The following FBXO17 variants were observed in gnomAD, a reference collection of about 807,000 sequenced individuals.
FBXO17 encodes the protein F-box only protein 17.
A neutral mutation model predicts 34.1 loss-of-function variants in FBXO17; 43 were observed. The observed-to-expected ratio is 1.26, with a 90% CI of 0.99 to 1.62. The LOEUF (loss-of-function observed/expected upper bound fraction) is 1.62. Ranked by LOEUF, FBXO17 falls within the 40% of genes most tolerant of loss-of-function variation. The pLI is 0.00. For missense variants in FBXO17, 424 were observed against 386.7 expected (o/e 1.10, Z -0.81); for synonymous variants, 169 against 166.0 (o/e 1.02, Z -0.14).
At chr19:38,962,171 G>C (rs7254599) in intron 1 of FBXO17, among the ~76,000 whole-genome samples, 106,708 of 141,440 alleles carry the variant, frequency 0.75, 40,858 homozygotes, top group East Asian at 0.96. Context: ...GCCTGGACAA[G>C]AAGAGCGAAA....
intron 1 of FBXO17, among the ~76,000 whole-genome samples, chr19:38,953,399 AC>A (rs1334744693): frequency 6.6e-6 from 1 of 152,066 alleles, no homozygotes; most frequent in Non-Finnish European, 1.5e-5. Context: ...ACGGTAGCTC[AC>A]ACCTGTAATC....
chr19:38,974,175 G>T (rs928164243), intron 1 of FBXO17, among the ~76,000 whole-genome samples: 1 of 150,904 alleles, frequency 6.6e-6, no homozygotes, highest in African/African-American at 2.4e-5. Context: ...TCCACCTCCA[G>T]GGTTCAAGCG....
At chr19:38,959,506 C>T (rs996190636) in intron 1 of FBXO17, among the ~76,000 whole-genome samples, 9 of 148,820 alleles carry the variant, frequency 6.0e-5, no homozygotes, top group African/African-American at 2.0e-4. Flanking sequence ...AGGCTGGTCT[C>T]GAACTCTTGA....
intron 1 of FBXO17, among the ~76,000 whole-genome samples, chr19:38,956,482 A>G (rs186845884): frequency 1.3e-5 from 2 of 152,294 alleles, no homozygotes; most frequent in East Asian, 3.9e-4. Context: ...AGTTTTGCCC[A>G]TTAAACAAGA....
intron 3 of FBXO17, chr19:38,946,889 A>C (rs1600188964): frequency 1.2e-5 from 4 of 321,442 alleles, no homozygotes; most frequent in South Asian, 4.2e-5. Context: ...TGGCCTCCTA[A>C]AGTGTGAGGG....
chr19:38,955,379 TC>T (rs1184191183), intron 1 of FBXO17, among the ~76,000 whole-genome samples: 1 of 151,868 alleles, frequency 6.6e-6, no homozygotes, highest in Non-Finnish European at 1.5e-5. Flanking sequence ...GAGGCATGAG[TC>T]ACCGCATGCA....
chr19:38,950,518 C>T (rs1975067811), intron 1 of FBXO17, among the ~76,000 whole-genome samples, 182 bp from the exon 2 acceptor site: 2 of 152,214 alleles, frequency 1.3e-5, no homozygotes, highest in South Asian at 4.1e-4. Flanking sequence ...GGGTAAAAGA[C>T]CCCTGGTCTG....
chr19:38,944,259 T>C (rs1304881197), intron 5 of FBXO17, among the ~76,000 whole-genome samples: 1 of 82,604 alleles, frequency 1.2e-5, no homozygotes. Flanking sequence ...TCTGACTCAT[T>C]ATTATTATTA....
intron 1 of FBXO17, among the ~76,000 whole-genome samples, chr19:38,966,644 C>T (rs541406639): frequency 2.6e-5 from 4 of 152,092 alleles, no homozygotes; most frequent in African/African-American, 9.6e-5. Flanking sequence ...AACAGAAAAA[C>T]GCCTCTTTCA....
At chr19:38,946,708 G>T (rs1974989403) in intron 3 of FBXO17, 141 bp from the exon 4 acceptor site, 2 of 1,172,428 alleles carry the variant, frequency 1.7e-6, no homozygotes, top group Non-Finnish European at 1.2e-6. Context: ...ACCTGAAGAT[G>T]CATGATGGGC....
At chr19:38,962,743 GTC>G (rs1170758564) in intron 1 of FBXO17, among the ~76,000 whole-genome samples, 1 of 150,866 alleles carries the variant, frequency 6.6e-6, no homozygotes, top group East Asian at 1.9e-4. Flanking sequence ...TTGAGATGGA[GTC>G]TCTCTCTGTC....
Position 38,949,791 on chromosome 19 carries a change from C to A in FBXO17, c.349+180G>T, listed in dbSNP as rs552137509. The A allele has an allele frequency of 3.7e-5, 28 of 762,444 alleles. No individual in the cohort carries two copies. In the South Asian group the frequency reaches 4.9e-4, roughly 13 times the overall value. The allele number at this position is 762,444 out of a possible 1,614,324, so 47.2% of individuals were successfully genotyped here. The stretch of plus-strand genomic sequence containing the variant: ...GCCCACTCGTTCGGATTCCCGGCTT[C>A]ACCTTCTCCAGCCCCGCCCACCGGG... On this transcript the variant is annotated intron_variant, in intron 2 of 5. Coordinates refer to ENST00000292852, the MANE Select transcript of FBXO17 (RefSeq NM_024907.7).
chr19:38,961,065 C>T (rs1043370087), intron 1 of FBXO17, among the ~76,000 whole-genome samples: 15 of 152,076 alleles, frequency 9.9e-5, no homozygotes, highest in Non-Finnish European at 1.8e-4. Flanking sequence ...GCCTTGGCCT[C>T]CTAAAGTGTT....
rs1341579857 is a variant in FBXO17 at position 38,975,286 on chromosome 19, T to C, written c.-18+300A>G. On this transcript the variant is annotated intron_variant, in intron 1 of 5. Coordinates refer to ENST00000292852, the MANE Select transcript of FBXO17 (RefSeq NM_024907.7). The surrounding 1 kb of genome is among the most constrained non-coding windows in gnomAD (Gnocchi z 4.9). ...AGCGTTTGGCAGGGGTTTTGGATGG[T>C]GGCCTCCGCGGACGAGCGCAGGGAT... 6.6e-6 allele frequency among the ~76,000 whole-genome samples: 1 copy of C among 152,220 alleles called. No homozygotes were observed. The highest frequency in any genetic ancestry group is 2.4e-5 in the African/African-American group (1 of 41,462).
chr19:38,969,008 C>T (rs942409315), intron 1 of FBXO17, among the ~76,000 whole-genome samples: 2 of 151,960 alleles, frequency 1.3e-5, no homozygotes, highest in African/African-American at 2.4e-5. Flanking sequence ...CAAAGTTGTC[C>T]ACTTTAACAG....
intron 1 of FBXO17, among the ~76,000 whole-genome samples, chr19:38,969,050 C>G (rs1975356547): frequency 6.6e-6 from 1 of 151,842 alleles, no homozygotes; most frequent in East Asian, 1.9e-4. Flanking sequence ...AATTACACCT[C>G]AAAAAAGCTG....
chr19:38,942,453 G>A lies in FBXO17; in HGVS notation c.*155C>T, dbSNP rs946496781. 72 of 686,058 alleles carry A rather than the reference G, an allele frequency of 1.0e-4. No individual in the cohort carries two copies. The highest frequency in any genetic ancestry group is 1.4e-4 in the South Asian group (4 of 27,910). 42.5% of individuals were successfully genotyped at this position (686,058 alleles called of 1,614,324 possible). ...TTTTTTAAAAATTATTTGTGGAGACGGTTTCACTATGTTGCCCAGGCTGGT... is the reference window on the plus strand; with the variant it reads ...TTTTTTAAAAATTATTTGTGGAGACAGTTTCACTATGTTGCCCAGGCTGGT... On this transcript the variant is annotated 3_prime_UTR_variant, in exon 6 of 6. Transcript: ENST00000292852.
chr19:38,971,940 A>T (rs1020215554), intron 1 of FBXO17, among the ~76,000 whole-genome samples: 1 of 152,220 alleles, frequency 6.6e-6, no homozygotes, highest in African/African-American at 2.4e-5. Context: ...TGCTCTAGGC[A>T]TGTGGGAATT....
rs1303175265 is a variant in FBXO17, at chr19:38,974,226, C to T, written c.-18+1360G>A. ...CCTCCTGAGTAGCTGGGATTACAGG[C>T]GCCTACCACCACGCCTGGCTAATTT... On this transcript the variant is annotated intron_variant, in intron 1 of 5. Coordinates refer to ENST00000292852, the MANE Select transcript of FBXO17 (RefSeq NM_024907.7). Among the ~76,000 whole-genome samples the T allele has an allele frequency of 2.6e-5, 4 of 151,410 alleles. No homozygotes were observed. In the East Asian group the frequency reaches 5.9e-4, roughly 22 times the overall value.
Sources: gnomAD v4.1 joint callset for allele counts (sites outside exome capture counted in the v4.1 genomes callset) on GRCh38, gnomAD v4.1.1 for gene constraint, Gnocchi (gnomAD v3.1) non-coding constraint, MANE v1.5 for transcripts, NCBI Gene and HGNC (gene_info 2026-07-23, HGNC 2026-07-21) for gene names.